Variants in ST3GAL3 observed in about 807,000 individuals in gnomAD.
ST3GAL3 encodes CMP-N-acetylneuraminate-beta-1,4-galactoside alpha-2,3-sialyltransferase.
A neutral mutation model predicts 50.1 loss-of-function variants in ST3GAL3; 21 were observed. The ratio of observed to expected loss-of-function variants is 0.42; its 90% CI spans 0.30 to 0.60. ST3GAL3 has a LOEUF of 0.60. ST3GAL3 is among the 20% of genes least tolerant of loss of function. The probability of loss-of-function intolerance (pLI) is 0.19; values close to 1 mark genes in which losing one functional copy is unlikely to be tolerated. For missense variants in ST3GAL3, 353 were observed against 489.4 expected (o/e 0.72, Z 2.63); for synonymous variants, 183 against 190.0 (o/e 0.96, Z 0.30).
intron 1 of ST3GAL3, among the ~76,000 whole-genome samples, chr1:43,710,238 C>T (rs1261635638): frequency 6.6e-6 from 1 of 152,162 alleles, no homozygotes; most frequent in Non-Finnish European, 1.5e-5. Flanking sequence ...TGTGCCACCA[C>T]ACCCGGCTAA....
At chr1:43,839,966 GACC>G (rs1263444995) in intron 5 of ST3GAL3, 8 of 151,972 alleles carry the variant, frequency 5.3e-5, no homozygotes, top group Admixed American at 2.6e-4. Context: ...ATTCATGAGA[GACC>G]ACCGCCATGA....
rs530647975 is a variant in ST3GAL3, at chr1:43,806,062, G to A, written c.167-8829G>A. Among the ~76,000 whole-genome samples the A allele has an allele frequency of 5.9e-5, 9 of 152,186 alleles. No individual in the cohort carries two copies. The South Asian group carries it at 1.0e-3, about 18-fold the overall frequency. ...AATACTTTTCTAAAAGAGGGCCTTC[G>A]AACTAGGGTCTAAAGAATGAGCAGG... is the stretch of plus-strand genomic sequence containing the variant. On this transcript the variant is annotated intron_variant, in intron 3 of 11. Coordinates refer to ENST00000347631, the MANE Select transcript of ST3GAL3 (RefSeq NM_006279.5).
At chr1:43,762,446 G>A (rs1253326022) in intron 2 of ST3GAL3, among the ~76,000 whole-genome samples, 1 of 151,974 alleles carries the variant, frequency 6.6e-6, no homozygotes, top group African/African-American at 2.4e-5. Context: ...AGTAGTCCAG[G>A]GTGGGAGACA....
rs887684420 is a variant in ST3GAL3, at chr1:43,856,670, T to G, written c.302+18359T>G. Among the ~76,000 whole-genome samples, 120 of 152,362 alleles carry G rather than the reference T, an allele frequency of 7.9e-4. 1 individual carries two copies. Among genetic ancestry groups the G allele is most frequent in the African/African-American group, 2.8e-3 (115 of 41,590 alleles). On this transcript the variant is annotated intron_variant, in intron 5 of 11. Coordinates refer to ENST00000347631, the MANE Select transcript of ST3GAL3 (RefSeq NM_006279.5). ...CATGACCTGGACTCCAGCTTACAGC[T>G]GGAAGAATTGCCATTTGTGTCCTCT... is the stretch of plus-strand genomic sequence containing the variant.
Position 43,920,549 on chromosome 1 carries a change from G to C in ST3GAL3, c.890G>C (p.Gly297Ala). The part of the protein sequence containing the change: ...LPFNNGLMGR[G>A]NIPTLGSVAV... ...TTCAACAATGGCCTCATGGGCCGGG[G>C]GGTGAGATATCTGGGCCCTGGGAGA... Residue 297 changes from glycine (G) to alanine (A), a missense_variant and splice_region_variant, in exon 10 of 12, where the codon GGG (glycine) becomes GCG (alanine). Transcript: ENST00000347631. 1 of 1,614,032 alleles carries C rather than the reference G, an allele frequency of 6.2e-7. No homozygotes were observed. The highest frequency in any genetic ancestry group is 8.5e-7 in the Non-Finnish European group (1 of 1,179,868).
chr1:43,770,561 G>GT (rs1414007337), intron 2 of ST3GAL3, among the ~76,000 whole-genome samples: 7 of 151,714 alleles, frequency 4.6e-5, no homozygotes, highest in South Asian at 4.2e-4. Context: ...GACAGTTGTT[G>GT]TTTTTTTTCT....
intron 9 of ST3GAL3, among the ~76,000 whole-genome samples, chr1:43,908,926 C>A (rs777139162): frequency 1.3e-5 from 2 of 152,200 alleles, no homozygotes; most frequent in Non-Finnish European, 2.9e-5. Flanking sequence ...GCCACTGCGC[C>A]CGGCCCTTGC....
At chr1:43,843,518 G>A (rs1251475045) in intron 5 of ST3GAL3, among the ~76,000 whole-genome samples, 2 of 152,006 alleles carry the variant, frequency 1.3e-5, no homozygotes, top group Non-Finnish European at 2.9e-5. Context: ...AAGGATTTTT[G>A]TGTCTTTGGT....
chr1:43,907,032 G>A (rs745859931), intron 9 of ST3GAL3, among the ~76,000 whole-genome samples: 4 of 152,118 alleles, frequency 2.6e-5, no homozygotes, highest in Non-Finnish European at 4.4e-5. Context: ...ATCTGCCATG[G>A]TCTGTGAGGA....
intron 5 of ST3GAL3, among the ~76,000 whole-genome samples, chr1:43,843,716 A>G (rs1229144089): frequency 6.6e-6 from 1 of 152,240 alleles, no homozygotes; most frequent in Non-Finnish European, 1.5e-5. Context: ...TGAAGAAAAG[A>G]CAGTTTTTTA....
intron 2 of ST3GAL3, among the ~76,000 whole-genome samples, chr1:43,790,253 G>A (rs748190558): frequency 1.3e-5 from 2 of 152,198 alleles, no homozygotes; most frequent in African/African-American, 2.4e-5. Context: ...CTGCCTTTAT[G>A]AAACTTACAA....
At chr1:43,727,586 G>T (rs116014349) in intron 1 of ST3GAL3, among the ~76,000 whole-genome samples, 10 of 152,232 alleles carry the variant, frequency 6.6e-5, no homozygotes, top group Non-Finnish European at 1.3e-4. Flanking sequence ...TGGCTGAGTG[G>T]GACCAGCATT....
At chr1:43,874,550 G>A (rs1438695105) in intron 5 of ST3GAL3, among the ~76,000 whole-genome samples, 1 of 152,154 alleles carries the variant, frequency 6.6e-6, no homozygotes, top group African/African-American at 2.4e-5. Context: ...GGTTTAATAT[G>A]GATAAACAAC....
intron 1 of ST3GAL3, chr1:43,727,422 G>C (rs1229630332): frequency 6.6e-6 from 1 of 152,158 alleles, no homozygotes; most frequent in Non-Finnish European, 1.5e-5. Flanking sequence ...AACATTAATG[G>C]GGGCATTTCT....
chr1:43,841,866 TA>T (rs1184336698), intron 5 of ST3GAL3: 1 of 152,234 alleles, frequency 6.6e-6, no homozygotes, highest in African/African-American at 2.4e-5. Flanking sequence ...GCTTCCCTTT[TA>T]AATATAAATT....
At chr1:43,823,297 C>A (rs1364342894) in intron 4 of ST3GAL3, among the ~76,000 whole-genome samples, 1 of 152,204 alleles carries the variant, frequency 6.6e-6, no homozygotes, top group Non-Finnish European at 1.5e-5. Context: ...TAGTGCTCAT[C>A]AAGGCCCTAC....
intron 9 of ST3GAL3, among the ~76,000 whole-genome samples, chr1:43,905,955 C>T (rs1323901565): frequency 1.0e-5 from 1 of 95,984 alleles, no homozygotes; most frequent in African/African-American, 4.1e-5. Flanking sequence ...GCTCCTCTCC[C>T]ACCACTCTCC....
At chr1:43,834,308 C>T (rs556260467) in intron 4 of ST3GAL3, among the ~76,000 whole-genome samples, 2 of 152,218 alleles carry the variant, frequency 1.3e-5, no homozygotes, top group Non-Finnish European at 1.5e-5. Flanking sequence ...TTCCCCGCTC[C>T]GGCTATTGCC....
chr1:43,789,427 G>A (rs1224133266), intron 2 of ST3GAL3, among the ~76,000 whole-genome samples: 2 of 152,192 alleles, frequency 1.3e-5, no homozygotes, highest in African/African-American at 4.8e-5. Flanking sequence ...ATGGAGCTCT[G>A]TTAATTTTCT....
Sources: allele counts gnomAD v4.1 joint callset (sites outside exome capture counted in the v4.1 genomes callset), GRCh38; gene constraint gnomAD v4.1.1; transcripts MANE v1.5; gene names NCBI Gene and HGNC (gene_info 2026-07-23, HGNC 2026-07-21).